The following SORCS1 variants were observed in gnomAD, a reference collection of about 807,000 sequenced individuals.
SORCS1 encodes VPS10 domain-containing receptor SorCS1.
A neutral mutation model predicts 146.1 loss-of-function variants in SORCS1; 60 were observed. The ratio of observed to expected loss-of-function variants is 0.41; its 90% CI spans 0.33 to 0.51. The LOEUF is 0.51. SORCS1 is among the 20% of genes least tolerant of loss of function. The probability of loss-of-function intolerance (pLI) is 0.21; values close to 1 mark genes in which losing one functional copy is unlikely to be tolerated. For missense variants in SORCS1, 1,352 were observed against 1,487.6 expected, an observed-to-expected ratio of 0.91 and a Z score of 1.50; for synonymous variants, 637 against 584.0, an observed-to-expected ratio of 1.09 and a Z score of -1.31.
intron 1 of SORCS1, among the ~76,000 whole-genome samples, chr10:107,102,879 A>T (rs1214324470): frequency 6.6e-6 from 1 of 152,212 alleles, no homozygotes; most frequent in African/African-American, 2.4e-5. Flanking sequence ...ACAATATTTT[A>T]TTAGCATTAT....
intron 24 of SORCS1, 58 bp downstream of exon 24, chr10:106,597,293 G>A (rs972715194): frequency 7.3e-6 from 10 of 1,367,078 alleles, no homozygotes; most frequent in East Asian, 4.6e-5. Context: ...AAGGAAGCAC[G>A]GACTAGGATT....
chr10:107,008,820 A>G (rs1957562572), intron 1 of SORCS1, among the ~76,000 whole-genome samples: 1 of 152,124 alleles, frequency 6.6e-6, no homozygotes, highest in Non-Finnish European at 1.5e-5. Context: ...ACATGGTGAA[A>G]CCCCGTCTCT....
intron 6 of SORCS1, among the ~76,000 whole-genome samples, chr10:106,723,667 T>C (rs1352503206): frequency 6.6e-6 from 1 of 152,232 alleles, no homozygotes; most frequent in Admixed American, 6.5e-5. Context: ...TATTAGAGGA[T>C]AGTTGGTAAG....
chr10:106,744,036 C>T (rs1333839790), intron 5 of SORCS1, among the ~76,000 whole-genome samples: 1 of 152,136 alleles, frequency 6.6e-6, no homozygotes, highest in Non-Finnish European at 1.5e-5. Flanking sequence ...GTACAATATT[C>T]TATAGTTGAC....
chr10:106,748,217 T>G (rs557311156), intron 5 of SORCS1, among the ~76,000 whole-genome samples: 2 of 152,348 alleles, frequency 1.3e-5, no homozygotes, highest in East Asian at 3.9e-4. Flanking sequence ...GCAGCAATTC[T>G]ATCAGTGCCA....
At chr10:106,781,714 T>C (rs1455126425) in intron 3 of SORCS1, among the ~76,000 whole-genome samples, 2 of 152,212 alleles carry the variant, frequency 1.3e-5, no homozygotes, top group African/African-American at 4.8e-5. Context: ...AAAAGCTACC[T>C]ATTCTCAATG....
intron 1 of SORCS1, among the ~76,000 whole-genome samples, chr10:107,022,602 T>C (rs759139845): frequency 2.0e-5 from 3 of 152,018 alleles, no homozygotes; most frequent in Non-Finnish European, 4.4e-5. Flanking sequence ...TGTCTAACAA[T>C]AAGGCAGCGG....
intron 2 of SORCS1, among the ~76,000 whole-genome samples, chr10:106,859,679 C>G (rs985481518): frequency 6.6e-6 from 1 of 152,212 alleles, no homozygotes; most frequent in Non-Finnish European, 1.5e-5. Context: ...AGGCATGAGT[C>G]ACTACCGGCC....
At chr10:106,979,728 G>C (rs57149587) in intron 1 of SORCS1, among the ~76,000 whole-genome samples, 2 of 152,136 alleles carry the variant, frequency 1.3e-5, no homozygotes, top group South Asian at 4.1e-4. Flanking sequence ...GCCATCACTC[G>C]TGTGGCCCTC....
At chr10:107,056,953 C>G (rs939129527) in intron 1 of SORCS1, among the ~76,000 whole-genome samples, 3 of 152,180 alleles carry the variant, frequency 2.0e-5, no homozygotes, top group Non-Finnish European at 4.4e-5. Context: ...TTCAGCGTGC[C>G]CTGGATGGCT....
At chr10:106,898,070 C>T (rs1951554875) in intron 2 of SORCS1, among the ~76,000 whole-genome samples, 1 of 152,178 alleles carries the variant, frequency 6.6e-6, no homozygotes, top group Admixed American at 6.5e-5. Context: ...GAAAACATTG[C>T]CTGACGATGT....
chr10:106,751,913 A>G (rs1858276968), intron 5 of SORCS1, among the ~76,000 whole-genome samples: 1 of 152,218 alleles, frequency 6.6e-6, no homozygotes, highest in African/African-American at 2.4e-5. Flanking sequence ...AGAGCCTTGA[A>G]CCTTAAAAAA....
intron 6 of SORCS1, among the ~76,000 whole-genome samples, chr10:106,714,131 G>A (rs1855191010): frequency 3.0e-5 from 1 of 33,500 alleles, no homozygotes. Flanking sequence ...GTGAAACTCT[G>A]CCTCAAAAAA....
At chr10:106,814,433 T>C (rs942346264) in intron 3 of SORCS1, among the ~76,000 whole-genome samples, 4 of 152,120 alleles carry the variant, frequency 2.6e-5, no homozygotes, top group African/African-American at 4.8e-5. Context: ...TAGAAGAACA[T>C]AGACCAGAAA....
chr10:107,109,723 C>T (rs1196774177), intron 1 of SORCS1, among the ~76,000 whole-genome samples: 1 of 152,186 alleles, frequency 6.6e-6, no homozygotes, highest in African/African-American at 2.4e-5. Context: ...TGCTTGAATT[C>T]CTCTCCTGAG....
chr10:107,027,512 G>A (rs754792765), intron 1 of SORCS1, among the ~76,000 whole-genome samples: 1 of 152,052 alleles, frequency 6.6e-6, no homozygotes, highest in African/African-American at 2.4e-5. Context: ...AGCAATATTC[G>A]CTCTGTATGA....
intron 1 of SORCS1, among the ~76,000 whole-genome samples, chr10:107,058,983 G>A (rs370545036): frequency 1.4e-4 from 21 of 152,128 alleles, no homozygotes; most frequent in African/African-American, 3.4e-4. Context: ...TGCTAATAGC[G>A]CTGCACCGGG....
chr10:106,987,107 T>C (rs987246467), intron 1 of SORCS1, among the ~76,000 whole-genome samples: 1 of 152,330 alleles, frequency 6.6e-6, no homozygotes, highest in Non-Finnish European at 1.5e-5. Context: ...TCACTCCTAA[T>C]AGGCTTTTAA....
At chr10:107,084,578 T>C (rs1056213362) in intron 1 of SORCS1, among the ~76,000 whole-genome samples, 1 of 151,926 alleles carries the variant, frequency 6.6e-6, no homozygotes, top group Non-Finnish European at 1.5e-5. Flanking sequence ...GTAAAAAAAA[T>C]AGAACATGAA....
Sources: gnomAD v4.1 joint callset for allele counts (sites outside exome capture counted in the v4.1 genomes callset) on GRCh38, gnomAD v4.1.1 for gene constraint, MANE v1.5 for transcripts, NCBI Gene and HGNC (gene_info 2026-07-23, HGNC 2026-07-21) for gene names.